The following MYOCD variants were observed in gnomAD, a reference collection of about 807,000 sequenced individuals.
MYOCD encodes myocardin.
A neutral mutation model predicts 96.1 loss-of-function variants in MYOCD; 32 were observed. That is an observed-to-expected ratio of 0.33 (90% CI 0.25 to 0.45). MYOCD has a LOEUF of 0.45. Among genes scored for constraint, MYOCD ranks in the 20% least tolerant of loss-of-function variants. MYOCD has a pLI of 1.00. For synonymous variants in MYOCD, 469 were observed against 469.0 expected (o/e 1.00, Z 0.00); for missense variants, 1,133 against 1,200.6 (o/e 0.94, Z 0.83).
chr17:12,708,026 A>C (rs9894153), intron 2 of MYOCD, among the ~76,000 whole-genome samples: 61,055 of 151,934 alleles, frequency 0.4, 14,339 homozygotes, highest in African/African-American at 0.64. Flanking sequence ...TCTATGCCCC[A>C]ATTACTGGGC....
intron 5 of MYOCD, among the ~76,000 whole-genome samples, chr17:12,732,673 T>C (rs2032212788): frequency 6.6e-6 from 1 of 152,180 alleles, no homozygotes; most frequent in African/African-American, 2.4e-5. Flanking sequence ...AATTTAGGAA[T>C]GCTCCGTCCA....
intron 1 of MYOCD, among the ~76,000 whole-genome samples, chr17:12,683,437 C>G (rs898188101): frequency 6.6e-6 from 1 of 152,156 alleles, no homozygotes; most frequent in Non-Finnish European, 1.5e-5. Flanking sequence ...TCTCTGTCTT[C>G]CTCTGTCGCT....
intron 9 of MYOCD, among the ~76,000 whole-genome samples, chr17:12,748,055 G>A (rs1295130123): frequency 6.6e-6 from 1 of 151,236 alleles, no homozygotes; most frequent in Non-Finnish European, 1.5e-5. Context: ...CCAGCTACTC[G>A]GGAGGCTGAG....
At position 12,751,282 on chromosome 17, in the gene MYOCD, T is replaced by C. The variant is rs2046873007; in HGVS notation, c.1126-1132T>C. On this transcript the variant is annotated intron_variant, in intron 9 of 13. Coordinates refer to ENST00000425538, the MANE Select transcript of MYOCD (RefSeq NM_001146312.3). Reference sequence around the variant, plus strand: ...ATATGCAAACATAGGTTCAAATATATATATGTATATATATATGTACATACA... The same window carrying C: ...ATATGCAAACATAGGTTCAAATATACATATGTATATATATATGTACATACA... 2.6e-5 allele frequency among the ~76,000 whole-genome samples: 4 copies of C among 151,376 alleles called. No individual in the cohort carries two copies. The South Asian group carries it at 8.3e-4, about 32-fold the overall frequency.
intron 5 of MYOCD, 74 bp downstream of exon 5, chr17:12,723,082 A>G: frequency 1.4e-6 from 2 of 1,456,856 alleles, no homozygotes; most frequent in Non-Finnish European, 1.9e-6. Flanking sequence ...CTGACATACT[A>G]GGATCTTTGG....
chr17:12,715,728 A>G (rs1353467612), intron 3 of MYOCD, among the ~76,000 whole-genome samples, 154 bp downstream of exon 3: 1 of 152,150 alleles, frequency 6.6e-6, no homozygotes, highest in African/African-American at 2.4e-5. Context: ...ACTCCTATTA[A>G]CCGGTAACTA....
rs2032696338 is a variant in MYOCD at position 12,747,357 on chromosome 17, A to G, written c.1125+1285A>G. The stretch of plus-strand genomic sequence containing the variant: ...GCGCCATCTGAGTCTTGGGAGAGTG[A>G]CATCAATGACAGAAGGAGAGTAGAA... On this transcript the variant is annotated intron_variant, in intron 9 of 13. Transcript: ENST00000425538. Among the ~76,000 whole-genome samples the G allele has an allele frequency of 4.5e-5, 4 of 89,732 alleles. No individual in the cohort carries two copies. In the Admixed American group the frequency reaches 5.6e-4, roughly 12 times the overall value. The allele number at this position is 89,732 out of a possible 152,430, so 58.9% of individuals were successfully genotyped here.
rs999528759 is a variant in MYOCD at position 12,753,156 on chromosome 17, T to A, written c.1868T>A (p.Val623Glu). The A allele has an allele frequency of 6.8e-6, 11 of 1,614,142 alleles. No homozygotes were observed. Among genetic ancestry groups the A allele is most frequent in the Non-Finnish European group, 9.3e-6 (11 of 1,180,036 alleles). ...HCVESSDQTN[V>E]LSSTFLSPQC... The stretch of plus-strand genomic sequence containing the variant: ...GTGGAGTCCTCAGATCAAACCAATG[T>A]ACTTTCTTCCACATTTCTCAGCCCC... The change falls in exon 10 of 14, where the codon GTA becomes GAA. Residue 623 changes from valine (V) to glutamate (E), a missense_variant. Coordinates refer to ENST00000425538, the MANE Select transcript of MYOCD (RefSeq NM_001146312.3).
chr17:12,722,957 G>A lies in MYOCD; in HGVS notation c.364G>A (p.Val122Met), dbSNP rs772925641. Residue 122 changes from valine to methionine, a missense_variant, in exon 5 of 14, where the codon GTG becomes ATG. Transcript: ENST00000425538. ...IALRPGPLEL[V>M]EKNILPVDSA... is the part of the protein sequence containing the mutation. ...TCTACGACCAGGGCCACTGGAGCTGGTGGAAAAAAACATTCTTCCTGTGGA... is the reference window on the plus strand; with the variant it reads ...TCTACGACCAGGGCCACTGGAGCTGATGGAAAAAAACATTCTTCCTGTGGA... 2 of 1,613,724 alleles carry A rather than the reference G, an allele frequency of 1.2e-6. No homozygotes were observed. The highest frequency in any genetic ancestry group is 8.5e-7 in the Non-Finnish European group (1 of 1,179,886).
intron 1 of MYOCD, among the ~76,000 whole-genome samples, chr17:12,677,314 A>G (rs1910124817): frequency 6.6e-6 from 1 of 152,074 alleles, no homozygotes; most frequent in African/African-American, 2.4e-5. Context: ...TAGGCTTAAT[A>G]CCTGAGTGAT....
At chr17:12,708,525 T>C (rs2031376274) in intron 2 of MYOCD, among the ~76,000 whole-genome samples, 1 of 152,066 alleles carries the variant, frequency 6.6e-6, no homozygotes, top group East Asian at 1.9e-4. Context: ...TCCGAGTAGC[T>C]GGGACTACAG....
intron 1 of MYOCD, among the ~76,000 whole-genome samples, chr17:12,704,431 A>G (rs977649944): frequency 1.3e-5 from 2 of 152,184 alleles, no homozygotes; most frequent in African/African-American, 2.4e-5. Context: ...GATACGTAAT[A>G]TTGGGAACAT....
chr17:12,753,372 G>A, intron 10 of MYOCD, 26 bp downstream of exon 10: 2 of 1,518,832 alleles, frequency 1.3e-6, no homozygotes, highest in Non-Finnish European at 1.8e-6. Flanking sequence ...GCCATGCCTG[G>A]TGCACACTTC....
intron 1 of MYOCD, among the ~76,000 whole-genome samples, chr17:12,699,759 G>A (rs1161489045): frequency 2.0e-5 from 3 of 152,108 alleles, no homozygotes; most frequent in Non-Finnish European, 4.4e-5. Flanking sequence ...AATCTAAAGT[G>A]TGCTACGGAC....
intron 1 of MYOCD, among the ~76,000 whole-genome samples, chr17:12,668,030 C>A (rs1909471402): frequency 6.6e-6 from 1 of 152,066 alleles, no homozygotes; most frequent in Non-Finnish European, 1.5e-5. Flanking sequence ...AGAAAAAAAA[C>A]AAGTGGAATG....
At position 12,716,162 on chromosome 17, in the gene MYOCD, G is replaced by A. The variant is rs145632192; in HGVS notation, c.177+588G>A. ...CAAGTATCAACACTTTGAGTGAGAA[G>A]GAAAGGCAAAGAGAGTATCTGCCTG... On this transcript the variant is annotated intron_variant, in intron 3 of 13. Coordinates refer to ENST00000425538, the MANE Select transcript of MYOCD (RefSeq NM_001146312.3). Among the ~76,000 whole-genome samples, 956 of 152,234 alleles carry A rather than the reference G, an allele frequency of 6.3e-3. 13 individuals carry two copies. Among genetic ancestry groups the A allele is most frequent in the African/African-American group, 0.02 (829 of 41,534 alleles).
rs1910384255 is a variant in MYOCD, at chr17:12,680,440, A to T, written c.55+14197A>T. Among the ~76,000 whole-genome samples the T allele has an allele frequency of 2.6e-5, 4 of 152,310 alleles. 1 individual carries two copies. In the South Asian group the frequency reaches 8.3e-4, roughly 32 times the overall value. On this transcript the variant is annotated intron_variant, in intron 1 of 13. Coordinates refer to ENST00000425538, the MANE Select transcript of MYOCD (RefSeq NM_001146312.3). ...AGCATGGTGAAGCACTTGAACTCAGATCTCCTGGCACCCAATCTTGTGGCC... is the reference window on the plus strand; with the variant it reads ...AGCATGGTGAAGCACTTGAACTCAGTTCTCCTGGCACCCAATCTTGTGGCC...
At chr17:12,707,714 AAAAT>A (rs562789208) in intron 2 of MYOCD, among the ~76,000 whole-genome samples, 55 of 152,246 alleles carry the variant, frequency 3.6e-4, no homozygotes, top group South Asian at 6.2e-4. Context: ...ACTCCGTCTC[AAAAT>A]AAATAAATAA....
intron 9 of MYOCD, among the ~76,000 whole-genome samples, chr17:12,746,679 C>T (rs142146345): frequency 6.7e-5 from 10 of 148,308 alleles, no homozygotes; most frequent in African/African-American, 1.5e-4. Flanking sequence ...GTGAGAGTTA[C>T]GGTAATTAGT....
Sources: gnomAD v4.1 joint callset for allele counts (sites outside exome capture counted in the v4.1 genomes callset) on GRCh38, gnomAD v4.1.1 for gene constraint, MANE v1.5 for transcripts, NCBI Gene and HGNC (gene_info 2026-07-23, HGNC 2026-07-21) for gene names.